Variants in PTPRD observed in about 807,000 individuals in gnomAD.
The protein encoded by PTPRD is receptor-type tyrosine-protein phosphatase delta.
A neutral mutation model predicts 214.5 loss-of-function variants in PTPRD; 34 were observed. The observed-to-expected ratio is 0.16, with a 90% confidence interval of 0.12 to 0.21. PTPRD has a LOEUF of 0.21. Ranked by LOEUF, PTPRD falls within the 10% of genes least tolerant of loss-of-function variation. The probability of loss-of-function intolerance (pLI) is 1.00; values close to 1 mark genes in which losing one functional copy is unlikely to be tolerated. For synonymous variants in PTPRD, 1,128 were observed against 845.7 expected (o/e 1.33, Z -5.79); for missense variants, 2,545 against 2,398.7 (o/e 1.06, Z -1.27).
chr9:10,469,022 A>G lies in PTPRD; in HGVS notation c.-599-128005T>C, dbSNP rs550687934. 3.9e-5 allele frequency among the ~76,000 whole-genome samples: 6 copies of G among 152,276 alleles called. No individual in the cohort carries two copies. In the South Asian group the frequency reaches 8.3e-4, roughly 21 times the overall value. On this transcript the variant is annotated intron_variant, in intron 2 of 45. Coordinates refer to ENST00000381196, the MANE Select transcript of PTPRD (RefSeq NM_002839.4). ...TATAACTACCCAAAACCTATAGTAAATAACACACTTAATGCTGAAATTAAA... is the reference window on the plus strand; with the variant it reads ...TATAACTACCCAAAACCTATAGTAAGTAACACACTTAATGCTGAAATTAAA...
intron 3 of PTPRD, among the ~76,000 whole-genome samples, chr9:10,144,321 G>T (rs1193854594): frequency 6.6e-6 from 1 of 151,980 alleles, no homozygotes. Context: ...AATATAGGCT[G>T]GACTTAGTAA....
chr9:9,460,286 A>G (rs1483694218), intron 8 of PTPRD, among the ~76,000 whole-genome samples: 1 of 152,130 alleles, frequency 6.6e-6, no homozygotes, highest in Non-Finnish European at 1.5e-5. Flanking sequence ...ACCCAGGTAA[A>G]GAATTTATGA....
intron 11 of PTPRD, among the ~76,000 whole-genome samples, chr9:8,896,695 A>G (rs996690643): frequency 2.0e-5 from 3 of 152,198 alleles, no homozygotes; most frequent in Non-Finnish European, 4.4e-5. Context: ...GTTTAATTTC[A>G]TGATTCAATT....
In PTPRD at chr9:9,275,118, ATT is replaced by A. The variant is rs1491090724; in HGVS notation, c.-202-91757_-202-91756del. On this transcript the variant is annotated intron_variant, in intron 9 of 45. Coordinates refer to ENST00000381196, the MANE Select transcript of PTPRD (RefSeq NM_002839.4). ...TATATATATAATATATTATATATAT[ATT>A]ATATATATTATATATAATATATATA... is the stretch of plus-strand genomic sequence containing the variant. 3.0e-4 allele frequency among the ~76,000 whole-genome samples: 16 copies of A among 53,450 alleles called. 1 individual carries two copies. Among genetic ancestry groups the A allele is most frequent in the Admixed American group, 1.3e-3 (4 of 3,082 alleles). The allele number at this position is 53,450 out of a possible 152,430, so 35.1% of individuals were successfully genotyped here. A position where few individuals can be genotyped will look rare whatever the true frequency, so the allele number is the denominator to read the frequency against.
At chr9:9,513,109 A>G (rs4742607) in intron 8 of PTPRD, among the ~76,000 whole-genome samples, 95,623 of 151,660 alleles carry the variant, frequency 0.63, 30,472 homozygotes, top group South Asian at 0.78. Context: ...ACCCACTAAA[A>G]TAACAAGATA....
chr9:9,801,939 C>T (rs1052824147), intron 5 of PTPRD, among the ~76,000 whole-genome samples: 1 of 151,964 alleles, frequency 6.6e-6, no homozygotes, highest in African/African-American at 2.4e-5. Flanking sequence ...GGTTATTGTT[C>T]TGTTTATACA....
intron 8 of PTPRD, among the ~76,000 whole-genome samples, chr9:9,457,635 T>G (rs1194943196): frequency 6.6e-6 from 1 of 152,104 alleles, no homozygotes; most frequent in Non-Finnish European, 1.5e-5. Flanking sequence ...ATGTGAGTTT[T>G]AGAGACATGT....
intron 9 of PTPRD, among the ~76,000 whole-genome samples, chr9:9,295,173 A>C (rs1952575492): frequency 6.6e-6 from 1 of 151,766 alleles, no homozygotes; most frequent in Non-Finnish European, 1.5e-5. Flanking sequence ...TCAGGGGAAG[A>C]ATCTAAATTT....
At chr9:10,508,275 T>A (rs186283515) in intron 2 of PTPRD, among the ~76,000 whole-genome samples, 7,798 of 152,136 alleles carry the variant, frequency 0.051, 302 homozygotes, top group Middle Eastern at 0.085. Flanking sequence ...AGAATGGCGA[T>A]CATTAAAAAG....
chr9:9,724,532 G>A (rs147692016), intron 7 of PTPRD, among the ~76,000 whole-genome samples: 91 of 152,196 alleles, frequency 6.0e-4, no homozygotes, highest in African/African-American at 2.1e-3. Context: ...CCTGTATAGA[G>A]CAGCCAACTA....
chr9:9,995,067 A>G (rs942425999), intron 4 of PTPRD, among the ~76,000 whole-genome samples: 3 of 152,174 alleles, frequency 2.0e-5, no homozygotes, highest in Non-Finnish European at 4.4e-5. Context: ...TTAGATTTTT[A>G]TGAATTAATC....
intron 9 of PTPRD, among the ~76,000 whole-genome samples, chr9:9,235,416 C>T (rs576939388): frequency 6.6e-6 from 1 of 152,162 alleles, no homozygotes; most frequent in Non-Finnish European, 1.5e-5. Context: ...TCCAATTGCA[C>T]TCCTACATGG....
chr9:9,617,690 T>C (rs1415963059), intron 7 of PTPRD, among the ~76,000 whole-genome samples: 1 of 152,010 alleles, frequency 6.6e-6, no homozygotes, highest in African/African-American at 2.4e-5. Flanking sequence ...TGGGGTGAAG[T>C]AGGGCCAGTG....
intron 2 of PTPRD, among the ~76,000 whole-genome samples, chr9:10,564,800 T>G (rs1228225594): frequency 6.6e-6 from 1 of 152,218 alleles, no homozygotes; most frequent in Non-Finnish European, 1.5e-5. Context: ...TAGTTTTCCT[T>G]TTAATGAATA....
At chr9:9,489,801 G>C (rs1013268705) in intron 8 of PTPRD, among the ~76,000 whole-genome samples, 5 of 147,856 alleles carry the variant, frequency 3.4e-5, no homozygotes, top group African/African-American at 1.2e-4. Flanking sequence ...ACACACTGTA[G>C]AATAAAAGAA....
chr9:9,780,175 G>A lies in PTPRD; in HGVS notation c.-367-13324C>T, dbSNP rs542535552. ...ACAGAACAAGAAAGCCAAATATTGC[G>A]TATTCTCACTTATAAGTGGGAGCTA... On this transcript the variant is annotated intron_variant, in intron 5 of 45. Transcript: ENST00000381196. Among the ~76,000 whole-genome samples, 25 of 152,212 alleles carry A rather than the reference G, an allele frequency of 1.6e-4. No homozygotes were observed. The South Asian group carries it at 3.9e-3, about 24-fold the overall frequency.
intron 33 of PTPRD, among the ~76,000 whole-genome samples, chr9:8,451,420 G>T (rs1324250650): frequency 6.6e-6 from 1 of 152,014 alleles, no homozygotes; most frequent in Non-Finnish European, 1.5e-5. Flanking sequence ...CTATGGAGTA[G>T]AAAGGAAGAA....
At chr9:9,684,541 T>C (rs539119162) in intron 7 of PTPRD, among the ~76,000 whole-genome samples, 17 of 151,860 alleles carry the variant, frequency 1.1e-4, no homozygotes, top group African/African-American at 3.9e-4. Flanking sequence ...TTTTAGCTGG[T>C]AATTGAGTAA....
chr9:10,415,461 A>G (rs1279908471), intron 2 of PTPRD, among the ~76,000 whole-genome samples: 1 of 151,932 alleles, frequency 6.6e-6, no homozygotes, highest in Non-Finnish European at 1.5e-5. Flanking sequence ...TCATTTTAAT[A>G]TTTCCTAAAA....
Sources: allele counts gnomAD v4.1 joint callset (sites outside exome capture counted in the v4.1 genomes callset), GRCh38; gene constraint gnomAD v4.1.1; transcripts MANE v1.5; gene names NCBI Gene and HGNC (gene_info 2026-07-23, HGNC 2026-07-21).